CSMD2: variants seen among roughly 807,000 people sequenced by gnomAD.
The protein encoded by CSMD2 is CUB and sushi domain-containing protein 2.
A neutral mutation model predicts 398.5 loss-of-function variants in CSMD2; 130 were observed. The ratio of observed to expected loss-of-function variants is 0.33; its 90% CI spans 0.28 to 0.38. The LOEUF is 0.38. Ranked by LOEUF, CSMD2 falls within the 10% of genes least tolerant of loss-of-function variation. The pLI, the probability that CSMD2 is intolerant of heterozygous loss-of-function variation, is 1.00. For missense variants in CSMD2, 3,829 were observed against 4,764.9 expected (o/e 0.80, Z 5.78); for synonymous variants, 1,828 against 1,908.5 (o/e 0.96, Z 1.10).
chr1:33,779,359 A>C (rs1652405348), intron 12 of CSMD2, among the ~76,000 whole-genome samples: 1 of 152,206 alleles, frequency 6.6e-6, no homozygotes, highest in South Asian at 2.1e-4. Flanking sequence ...GACCTTGGGC[A>C]TGTGACTTAT....
chr1:34,084,341 C>T (rs1360720135), intron 2 of CSMD2, among the ~76,000 whole-genome samples: 1 of 152,184 alleles, frequency 6.6e-6, no homozygotes, highest in East Asian at 1.9e-4. Context: ...AAGTGTCTAA[C>T]ACCAAAAGCA....
intron 25 of CSMD2, among the ~76,000 whole-genome samples, chr1:33,688,913 A>G (rs1439986548): frequency 6.6e-6 from 1 of 152,120 alleles, no homozygotes; most frequent in African/African-American, 2.4e-5. Context: ...ACTCAAACAC[A>G]AAGGGGCTTT....
intron 4 of CSMD2, among the ~76,000 whole-genome samples, chr1:33,918,768 T>C (rs1193663433): frequency 6.6e-6 from 1 of 152,130 alleles, no homozygotes; most frequent in Non-Finnish European, 1.5e-5. Flanking sequence ...GATTTTAGGG[T>C]AAGGAAGGTC....
intron 2 of CSMD2, among the ~76,000 whole-genome samples, chr1:34,069,200 C>T (rs1655444355): frequency 6.6e-6 from 1 of 152,138 alleles, no homozygotes; most frequent in African/African-American, 2.4e-5. Flanking sequence ...TTTAGGGAGG[C>T]CTAAATATAC....
At chr1:33,676,708 T>C (rs1644725708) in intron 25 of CSMD2, among the ~76,000 whole-genome samples, 2 of 152,288 alleles carry the variant, frequency 1.3e-5, no homozygotes, top group African/African-American at 4.8e-5. Context: ...GACTTCAAAC[T>C]ATACTACAAG....
chr1:33,743,503 G>A lies in CSMD2; in HGVS notation c.1950C>T (p.Ala650=), dbSNP rs909292843. The change falls in exon 14 of 71, where the codon GCC becomes GCT. Residue 650 remains alanine, a synonymous_variant. Transcript: ENST00000373381. The part of the protein sequence containing the change: ...NHLHCVWLIL[A]RPESRIHLAF... The stretch of plus-strand genomic sequence containing the variant: ...CCAGGTGGATGCGGCTCTCAGGCCT[G>A]GCCAGGATGAGCCAGACACAGTGGA... 1 of 1,614,084 alleles carries A rather than the reference G, an allele frequency of 6.2e-7. No homozygotes were observed. The highest frequency in any genetic ancestry group is 8.5e-7 in the Non-Finnish European group (1 of 1,180,044).
At chr1:34,124,078 G>T (rs528347170) in intron 1 of CSMD2, among the ~76,000 whole-genome samples, 7 of 152,296 alleles carry the variant, frequency 4.6e-5, no homozygotes, top group African/African-American at 1.7e-4. Context: ...AAATCACTCA[G>T]CTAGTAAGTC....
At chr1:33,836,372 C>T (rs1163636839) in intron 6 of CSMD2, among the ~76,000 whole-genome samples, 3 of 152,296 alleles carry the variant, frequency 2.0e-5, no homozygotes, top group East Asian at 3.9e-4. Flanking sequence ...CTGGGAGAAC[C>T]ACTACTCTCT....
intron 1 of CSMD2, among the ~76,000 whole-genome samples, chr1:34,095,992 A>T (rs1010215941): frequency 1.3e-5 from 2 of 152,230 alleles, no homozygotes; most frequent in African/African-American, 4.8e-5. Context: ...CTTGATGAAC[A>T]TTGATGCAAA....
chr1:33,751,005 TTAC>T (rs1314725342), intron 13 of CSMD2, among the ~76,000 whole-genome samples: 2 of 152,074 alleles, frequency 1.3e-5, no homozygotes, highest in African/African-American at 2.4e-5. Context: ...TATGTGCAAG[TTAC>T]TACATTTAAA....
chr1:33,949,218 A>G (rs375919807), intron 3 of CSMD2, among the ~76,000 whole-genome samples: 13 of 152,226 alleles, frequency 8.5e-5, no homozygotes, highest in African/African-American at 3.1e-4. Flanking sequence ...TGTCTGACAC[A>G]CAGGAAGTGC....
intron 67 of CSMD2, 151 bp from the exon 68 acceptor site, chr1:33,521,701 G>A (rs1458456196): frequency 6.2e-6 from 4 of 643,188 alleles, no homozygotes; most frequent in East Asian, 2.7e-5. Context: ...AGGCAAGGGT[G>A]GGTGTGACCG....
chr1:34,112,178 C>G (rs779316194), intron 1 of CSMD2, among the ~76,000 whole-genome samples: 1 of 152,182 alleles, frequency 6.6e-6, no homozygotes, highest in Non-Finnish European at 1.5e-5. Flanking sequence ...ATTGTTGCCC[C>G]TTGCCCATAC....
At position 33,550,297 on chromosome 1, in the gene CSMD2, T is replaced by C. The variant is rs764735750; in HGVS notation, c.8797A>G (p.Ser2933Gly). 8 of 1,614,204 alleles carry C rather than the reference T, an allele frequency of 5.0e-6. No individual in the cohort carries two copies. The highest frequency in any genetic ancestry group is 5.9e-6 in the Non-Finnish European group (7 of 1,180,032). ...SPPHSQMSGD[S>G]YTVGAVVRYS... ...CGCACCACTGCTCCCACAGTATAAC[T>C]GTCTCCAGACATCTGGGAGTGAGGC... The change falls in exon 56 of 71, where the codon AGT becomes GGT. Residue 2933 changes from serine to glycine, a missense_variant. This residue lies in a region of CSMD2 where 917 missense variants were observed against 1,199.5 expected (regional missense o/e 0.76). Transcript: ENST00000373381.
chr1:34,002,504 A>G (rs942757401), intron 3 of CSMD2, among the ~76,000 whole-genome samples: 4 of 152,128 alleles, frequency 2.6e-5, no homozygotes, highest in Admixed American at 2.0e-4. Context: ...GCTACCTCTG[A>G]GGATAGTTGT....
intron 36 of CSMD2, 38 bp downstream of exon 36, chr1:33,623,332 C>T (rs1168395055): frequency 2.2e-6 from 3 of 1,335,288 alleles, no homozygotes; most frequent in Non-Finnish European, 3.2e-6. Flanking sequence ...AGCTCTAGTA[C>T]TACCCTCCAA....
chr1:34,051,199 G>A (rs1188805066), intron 2 of CSMD2, among the ~76,000 whole-genome samples: 2 of 152,148 alleles, frequency 1.3e-5, no homozygotes, highest in African/African-American at 4.8e-5. Flanking sequence ...TGAAAAACCA[G>A]AACAACTCAA....
chr1:33,602,944 T>C (rs1640326407), intron 42 of CSMD2, among the ~76,000 whole-genome samples: 1 of 152,236 alleles, frequency 6.6e-6, no homozygotes, highest in African/African-American at 2.4e-5. Context: ...AAAGTCTTTC[T>C]TTCTTCCTCT....
intron 47 of CSMD2, 101 bp downstream of exon 47, chr1:33,583,541 T>C (rs1483297332): frequency 1.7e-6 from 2 of 1,196,790 alleles, no homozygotes; most frequent in Admixed American, 3.9e-5. Context: ...GTGGAGCTTC[T>C]GGCAAGCCCT....
Sources: gnomAD v4.1 joint callset for allele counts (sites outside exome capture counted in the v4.1 genomes callset) on GRCh38, gnomAD v4.1.1 for gene constraint, gnomAD v4.1.1 regional missense constraint, MANE v1.5 for transcripts, NCBI Gene and HGNC (gene_info 2026-07-23, HGNC 2026-07-21) for gene names.